The following PMPCB variants were observed in gnomAD, a reference collection of about 807,000 sequenced individuals.
The protein encoded by PMPCB is mitochondrial-processing peptidase subunit beta.
A neutral mutation model predicts 61.5 loss-of-function variants in PMPCB; 46 were observed. That is an observed-to-expected ratio of 0.75 (90% confidence interval 0.59 to 0.96). The LOEUF is 0.96. Ranked by LOEUF, PMPCB falls within the 40% of genes least tolerant of loss-of-function variation. PMPCB has a pLI of 0.00. For synonymous variants in PMPCB, 191 were observed against 201.6 expected, an observed-to-expected ratio of 0.95 and a Z score of 0.44; for missense variants, 590 against 602.4, an observed-to-expected ratio of 0.98 and a Z score of 0.22.
rs1817893034 is a variant in PMPCB, at chr7:103,313,785, T to C, written c.*1514T>C. The C allele has an allele frequency of 3.0e-6, 3 of 985,380 alleles. No individual in the cohort carries two copies. Among genetic ancestry groups the C allele is most frequent in the Non-Finnish European group, 3.6e-6 (3 of 829,858 alleles). The allele number at this position is 985,380 out of a possible 1,614,324, so 61.0% of individuals were successfully genotyped here. ...CTAAGATGTGTGTCAGAAACAAATA[T>C]GTTTCTTAAGGATGTTAAGTATTAC... On this transcript the variant is annotated 3_prime_UTR_variant, in exon 13 of 13. Coordinates refer to ENST00000249269, the MANE Select transcript of PMPCB (RefSeq NM_004279.3).
At chr7:103,339,540 C>T in the PMPCB span, among the ~76,000 whole-genome samples, 49 of 152,248 alleles carry the variant, frequency 3.2e-4, no homozygotes, top group East Asian at 7.7e-3. Flanking sequence ...CTTGCCTTCC[C>T]GATCATTTTA....
At chr7:103,297,647 G>C in intron 1 of PMPCB, 89 bp downstream of exon 1, 1 of 1,576,664 alleles carries the variant, frequency 6.3e-7, no homozygotes, top group Non-Finnish European at 8.6e-7. Flanking sequence ...GATCCGAACA[G>C]TGGGTCGGGC....
chr7:103,307,474 A>C, intron 6 of PMPCB, 122 bp from the exon 7 acceptor site: 1 of 611,850 alleles, frequency 1.6e-6, no homozygotes. Context: ...CTTACTCTTA[A>C]ATAATGGCTT....
Position 103,312,387 on chromosome 7 carries a change from T to C in PMPCB, c.*116T>C. On this transcript the variant is annotated 3_prime_UTR_variant, in exon 13 of 13. Coordinates refer to ENST00000249269, the MANE Select transcript of PMPCB (RefSeq NM_004279.3). ...TTGAATTAAATACTGTATCATACTT[T>C]CAAAGGATAAAAAGACTACCCCTCT... is the stretch of plus-strand genomic sequence containing the variant. The C allele has an allele frequency of 1.3e-6, 2 of 1,528,224 alleles. No homozygotes were observed. The highest frequency in any genetic ancestry group is 1.7e-6 in the Non-Finnish European group (2 of 1,146,682). The allele number at this position is 1,528,224 out of a possible 1,614,324, so 94.7% of individuals were successfully genotyped here. A position where few individuals can be genotyped will look rare whatever the true frequency, so the allele number is the denominator to read the frequency against.
At chr7:103,301,008 G>C (rs1817435910) in intron 4 of PMPCB, among the ~76,000 whole-genome samples, 1 of 152,144 alleles carries the variant, frequency 6.6e-6, no homozygotes, top group Admixed American at 6.5e-5. Context: ...TAACCTTTAA[G>C]GTCCTTCTGT....
the PMPCB span, chr7:103,342,076 A>G: frequency 1.6e-6 from 1 of 639,864 alleles, no homozygotes; most frequent in Admixed American, 3.8e-5. Flanking sequence ...TTTTAAAACC[A>G]CCGACTACGA....
At chr7:103,327,330 A>G in intron 12 of PMPCB, 1 of 1,282,078 alleles carries the variant, frequency 7.8e-7, no homozygotes, top group Non-Finnish European at 1.0e-6. Context: ...TAGAACACTT[A>G]CATGAATTAA....
the PMPCB span, among the ~76,000 whole-genome samples, chr7:103,343,003 T>C: frequency 5.9e-5 from 9 of 151,978 alleles, no homozygotes; most frequent in African/African-American, 2.2e-4. Context: ...ACTCAAACTA[T>C]CTTTTTATTT....
In PMPCB at chr7:103,314,401, A is replaced by G; in HGVS notation, c.*2130A>G. The G allele has an allele frequency of 1.0e-6, 1 of 985,398 alleles. No individual in the cohort carries two copies. The highest frequency in any genetic ancestry group is 1.2e-6 in the Non-Finnish European group (1 of 829,930). 61.0% of individuals were successfully genotyped at this position (985,398 alleles called of 1,614,324 possible). ...GCCTTCCCATTTCCATAAAAGAGGC[A>G]AAGGAGTCATACCCACATAGCACTA... is the stretch of plus-strand genomic sequence containing the variant. On this transcript the variant is annotated 3_prime_UTR_variant, in exon 13 of 13. Transcript: ENST00000249269.
chr7:103,314,628 TC>T lies in PMPCB; in HGVS notation c.*2358del. ...TTATAAAGAAGTGTCTTTCAGGTGT[TC>T]TGAAACCCTGCCTTGTTACTTACCT... On this transcript the variant is annotated 3_prime_UTR_variant, in exon 13 of 13. Transcript: ENST00000249269. The T allele has an allele frequency of 1.0e-6, 1 of 985,394 alleles. No individual in the cohort carries two copies. The allele number at this position is 985,394 out of a possible 1,614,324, so 61.0% of individuals were successfully genotyped here.
chr7:103,317,215 A>G (rs1301368082), downstream of PMPCB: 4 of 533,532 alleles, frequency 7.5e-6, no homozygotes, highest in African/African-American at 3.8e-5. Flanking sequence ...AGGGACCAAG[A>G]ACTGCCCACA....
intron 12 of PMPCB, chr7:103,323,684 A>C (rs1004508634): frequency 1.4e-6 from 2 of 1,381,044 alleles, no homozygotes; most frequent in African/African-American, 2.9e-5. Context: ...CAGAAATAAT[A>C]CATGATCAAG....
downstream of PMPCB, chr7:103,316,995 T>C: frequency 6.2e-7 from 1 of 1,613,466 alleles, no homozygotes. Context: ...TTTTCTGATT[T>C]GCTCATTTAT....
At chr7:103,305,838 A>G (rs1256950200) in intron 6 of PMPCB, among the ~76,000 whole-genome samples, 1 of 152,166 alleles carries the variant, frequency 6.6e-6, no homozygotes, top group Non-Finnish European at 1.5e-5. Context: ...CTTGGGCTTA[A>G]GTGTTTGAAA....
At chr7:103,306,691 C>T (rs936722656) in intron 6 of PMPCB, among the ~76,000 whole-genome samples, 1 of 151,818 alleles carries the variant, frequency 6.6e-6, no homozygotes, top group Non-Finnish European at 1.5e-5. Flanking sequence ...GGCCCTGTTC[C>T]TGAGTTCTGA....
At chr7:103,319,580 T>C (rs1426754662), downstream of PMPCB, 5 of 1,605,690 alleles carry the variant, frequency 3.1e-6, no homozygotes, top group East Asian at 2.2e-5. Flanking sequence ...ATGCTACATA[T>C]AGGTAGGAGT....
intron 12 of PMPCB, chr7:103,322,803 T>C (rs369882464): frequency 6.5e-5 from 103 of 1,595,836 alleles, no homozygotes; most frequent in African/African-American, 1.9e-4. Context: ...GACTATAAAA[T>C]AGAAAATATT....
At chr7:103,321,532 A>G (rs1818412511) in intron 12 of PMPCB, among the ~76,000 whole-genome samples, 1 of 151,824 alleles carries the variant, frequency 6.6e-6, no homozygotes, top group Non-Finnish European at 1.5e-5. Context: ...AAATAAATAA[A>G]TAAAAATAAT....
chr7:103,325,904 TGATA>T, intron 12 of PMPCB, among the ~76,000 whole-genome samples: 1 of 152,326 alleles, frequency 6.6e-6, no homozygotes, highest in Non-Finnish European at 1.5e-5. Context: ...GTATACCGAT[TGATA>T]AAGAGGAAAT....
Sources: allele counts gnomAD v4.1 joint callset (sites outside exome capture counted in the v4.1 genomes callset), GRCh38; gene constraint gnomAD v4.1.1; transcripts MANE v1.5; gene names NCBI Gene and HGNC (gene_info 2026-07-23, HGNC 2026-07-21).